SMAD3: variants seen among roughly 807,000 people sequenced by gnomAD.
SMAD3 encodes the protein MAD homolog 3.
A neutral mutation model predicts 51.8 loss-of-function variants in SMAD3; 12 were observed. The observed-to-expected ratio is 0.23, with a 90% CI of 0.15 to 0.38. The LOEUF (loss-of-function observed/expected upper bound fraction) is 0.38. Among genes scored for constraint, SMAD3 ranks in the 10% least tolerant of loss-of-function variants. The probability of loss-of-function intolerance (pLI) is 1.00; values close to 1 mark genes in which losing one functional copy is unlikely to be tolerated. For missense variants in SMAD3, 294 were observed against 565.6 expected (o/e 0.52, Z 4.87); for synonymous variants, 238 against 227.7 (o/e 1.05, Z -0.41).
At chr15:67,165,891 C>CA (rs1962573889) in intron 3 of SMAD3, 1 of 165,404 alleles carries the variant, frequency 6.0e-6, no homozygotes, top group African/African-American at 2.4e-5. Context: ...GCTTTGCCGT[C>CA]AAAGACTGCA....
At chr15:67,107,965 T>TCCACCC (rs1960916459) in intron 1 of SMAD3, among the ~76,000 whole-genome samples, 1 of 124,722 alleles carries the variant, frequency 8.0e-6, no homozygotes, top group Non-Finnish European at 1.6e-5. Flanking sequence ...TGCTCTCCTC[T>TCCACCC]CCCCCCCACC....
intron 1 of SMAD3, among the ~76,000 whole-genome samples, chr15:67,072,681 C>T (rs1020639499): frequency 7.2e-5 from 11 of 152,140 alleles, no homozygotes; most frequent in African/African-American, 1.9e-4. Context: ...CATGTGCAGA[C>T]GTGAATGGCT....
intron 8 of SMAD3, among the ~76,000 whole-genome samples, chr15:67,187,777 T>A (rs1333288309): frequency 6.6e-6 from 1 of 152,112 alleles, no homozygotes; most frequent in African/African-American, 2.4e-5. Flanking sequence ...CAGCCCTGGG[T>A]GGGGATGCCA....
At chr15:67,111,977 AG>A (rs1275861316) in intron 1 of SMAD3, among the ~76,000 whole-genome samples, 1 of 151,156 alleles carries the variant, frequency 6.6e-6, no homozygotes, top group Non-Finnish European at 1.5e-5. Flanking sequence ...TAGTAGAGAC[AG>A]GGTTTCACCA....
chr15:67,080,873 C>T (rs1417866632), intron 1 of SMAD3, among the ~76,000 whole-genome samples: 6 of 152,146 alleles, frequency 3.9e-5, no homozygotes, highest in South Asian at 2.1e-4. Context: ...TTTGTTTCCG[C>T]GATCATCCAA....
Position 67,188,155 on chromosome 15 carries a change from T to C in SMAD3, c.1154+646T>C, listed in dbSNP as rs1364419676. Among the ~76,000 whole-genome samples the C allele has an allele frequency of 3.6e-3, 520 of 144,426 alleles. 6 individuals are homozygous for C. Among genetic ancestry groups the C allele is most frequent in the African/African-American group, 0.011 (414 of 38,922 alleles). The allele number at this position is 144,426 out of a possible 152,430, so 94.7% of individuals were successfully genotyped here. A position where few individuals can be genotyped will look rare whatever the true frequency, so the allele number is the denominator to read the frequency against. ...TGGTTTCTTTTTCTTTTTCTTTTTT[T>C]TTTTTTTTTTTTTTGAGATGGAGTC... On this transcript the variant is annotated intron_variant, in intron 8 of 8. Transcript: ENST00000327367.
At chr15:67,080,731 G>A (rs1409443167) in intron 1 of SMAD3, among the ~76,000 whole-genome samples, 1 of 152,202 alleles carries the variant, frequency 6.6e-6, no homozygotes. Context: ...TTTGATTGTG[G>A]TCAGTGCATG....
chr15:67,145,330 A>C (rs924529775), intron 1 of SMAD3, among the ~76,000 whole-genome samples: 6 of 152,200 alleles, frequency 3.9e-5, no homozygotes, highest in African/African-American at 1.4e-4. Flanking sequence ...CATTTTCACA[A>C]TCCACGAAGG....
At chr15:67,116,109 C>T (rs73483303) in intron 1 of SMAD3, among the ~76,000 whole-genome samples, 3,283 of 152,340 alleles carry the variant, frequency 0.022, 123 homozygotes, top group African/African-American at 0.076. Flanking sequence ...TTTATCTCAG[C>T]TGGCCTTTGC....
At chr15:67,133,147 G>A (rs1336901790) in intron 1 of SMAD3, among the ~76,000 whole-genome samples, 1 of 152,212 alleles carries the variant, frequency 6.6e-6, no homozygotes, top group Non-Finnish European at 1.5e-5. Flanking sequence ...CCTCCCTGAT[G>A]TGGGGTCTGT....
chr15:67,119,014 T>C (rs1214130774), intron 1 of SMAD3, among the ~76,000 whole-genome samples: 4 of 152,128 alleles, frequency 2.6e-5, no homozygotes, highest in Non-Finnish European at 5.9e-5. Context: ...AGCGTGGAGT[T>C]TGGGGGAGAG....
At chr15:67,099,181 G>A (rs1960693285) in intron 1 of SMAD3, among the ~76,000 whole-genome samples, 1 of 152,210 alleles carries the variant, frequency 6.6e-6, no homozygotes, top group Non-Finnish European at 1.5e-5. Context: ...TGGAAAGTGG[G>A]ATAAGGACTA....
intron 1 of SMAD3, among the ~76,000 whole-genome samples, chr15:67,102,432 C>G (rs775063480): frequency 3.3e-5 from 5 of 152,178 alleles, no homozygotes; most frequent in Non-Finnish European, 5.9e-5. Flanking sequence ...GTGTGAAAAC[C>G]ACTTAAAATG....
At chr15:67,117,774 G>A (rs1961168607) in intron 1 of SMAD3, among the ~76,000 whole-genome samples, 1 of 152,222 alleles carries the variant, frequency 6.6e-6, no homozygotes. Context: ...CATGTAATGA[G>A]AATGTACAGA....
At chr15:67,071,174 C>G (rs1960044645) in intron 1 of SMAD3, among the ~76,000 whole-genome samples, 1 of 152,010 alleles carries the variant, frequency 6.6e-6, no homozygotes, top group African/African-American at 2.4e-5. Flanking sequence ...GGAGGAGAAC[C>G]CATGAGAGGT....
At chr15:67,130,176 A>G (rs964359093) in intron 1 of SMAD3, among the ~76,000 whole-genome samples, 18 of 152,182 alleles carry the variant, frequency 1.2e-4, no homozygotes, top group Non-Finnish European at 4.4e-5. Context: ...GATGAATATC[A>G]TGTGCATTTT....
Position 67,190,675 on chromosome 15 carries a change from T to C in SMAD3, c.*139T>C. ...CCTCAACTGAAGGGGTGCACCCACC[T>C]GTTTTCTGAAACACACGAGCAAACC... On this transcript the variant is annotated 3_prime_UTR_variant, in exon 9 of 9. Coordinates refer to ENST00000327367, the MANE Select transcript of SMAD3 (RefSeq NM_005902.4). 3.4e-6 allele frequency: 3 copies of C among 878,040 alleles called. No individual in the cohort carries two copies. Among genetic ancestry groups the C allele is most frequent in the Non-Finnish European group, 3.6e-6 (2 of 557,860 alleles). 54.4% of individuals were successfully genotyped at this position (878,040 alleles called of 1,614,324 possible).
chr15:67,105,905 C>T (rs189401689), intron 1 of SMAD3, among the ~76,000 whole-genome samples: 1 of 152,170 alleles, frequency 6.6e-6, no homozygotes, highest in Non-Finnish European at 1.5e-5. Flanking sequence ...ATTCCCCGGC[C>T]CTCCCTGCCG....
chr15:67,090,039 C>T (rs1035557243), intron 1 of SMAD3, among the ~76,000 whole-genome samples: 2 of 152,150 alleles, frequency 1.3e-5, no homozygotes, highest in African/African-American at 2.4e-5. Flanking sequence ...GGGCTGCCCC[C>T]GCATGGGAGT....
Sources: gnomAD v4.1 joint callset for allele counts (sites outside exome capture counted in the v4.1 genomes callset) on GRCh38, gnomAD v4.1.1 for gene constraint, MANE v1.5 for transcripts, NCBI Gene and HGNC (gene_info 2026-07-23, HGNC 2026-07-21) for gene names.